Variants in TCERG1L observed in about 807,000 individuals in gnomAD.
The protein encoded by TCERG1L is transcription elongation regulator 1 like.
Under a neutral mutation model 56.3 loss-of-function variants are expected in TCERG1L, and 37 were observed. The ratio of observed to expected loss-of-function variants is 0.66; its 90% CI spans 0.51 to 0.87. The LOEUF is 0.87. Among genes scored for constraint, TCERG1L ranks in the 40% least tolerant of loss-of-function variants. The pLI, the probability that TCERG1L is intolerant of heterozygous loss-of-function variation, is 0.00. For missense variants in TCERG1L, 799 were observed against 774.2 expected (o/e 1.03, Z -0.38); for synonymous variants, 324 against 326.3 (o/e 0.99, Z 0.08).
chr10:131,106,904 G>A (rs1192701799), intron 9 of TCERG1L, among the ~76,000 whole-genome samples: 4 of 151,974 alleles, frequency 2.6e-5, no homozygotes, highest in Admixed American at 1.3e-4. Flanking sequence ...TAATACCCAC[G>A]AGCTCTTTTA....
intron 11 of TCERG1L, among the ~76,000 whole-genome samples, chr10:131,098,064 T>C (rs1469919718): frequency 1.3e-5 from 2 of 152,200 alleles, no homozygotes; most frequent in Non-Finnish European, 2.9e-5. Flanking sequence ...ATGGTTGTGA[T>C]GCATTTGGTT....
chr10:131,287,561 T>C (rs139622475), intron 3 of TCERG1L, among the ~76,000 whole-genome samples: 1 of 152,302 alleles, frequency 6.6e-6, no homozygotes, highest in African/African-American at 2.4e-5. Flanking sequence ...TTTATATAAA[T>C]GGCACCTTGA....
At position 131,203,037 on chromosome 10, in the gene TCERG1L, C is replaced by T. The variant is rs149288148; in HGVS notation, c.857-36152G>A. On this transcript the variant is annotated intron_variant, in intron 4 of 11. Transcript: ENST00000368642. Reference sequence around the variant, plus strand: ...TTGTGGGGACAGAAGTCAAAGGTCACGCCGACACCGATGTGCTTGATTTAT... The same window carrying T: ...TTGTGGGGACAGAAGTCAAAGGTCATGCCGACACCGATGTGCTTGATTTAT... Among the ~76,000 whole-genome samples the T allele has an allele frequency of 2.6e-3, 389 of 152,244 alleles. 3 individuals are homozygous for T. The highest frequency in any genetic ancestry group is 9.1e-3 in the African/African-American group (376 of 41,526).
chr10:131,245,315 G>A (rs554567678), intron 4 of TCERG1L, among the ~76,000 whole-genome samples: 3 of 152,334 alleles, frequency 2.0e-5, no homozygotes, highest in African/African-American at 7.2e-5. Flanking sequence ...GCGTGGCCAG[G>A]CCTACCTCTT....
At chr10:131,309,054 G>A (rs1350174536) in intron 2 of TCERG1L, 99 bp downstream of exon 2, 15 of 1,400,266 alleles carry the variant, frequency 1.1e-5, no homozygotes, top group East Asian at 2.5e-5. Context: ...GCCAATTTAT[G>A]GCAACAAGAA....
At chr10:131,153,362 C>T (rs539047717) in intron 6 of TCERG1L, among the ~76,000 whole-genome samples, 1 of 152,174 alleles carries the variant, frequency 6.6e-6, no homozygotes, top group African/African-American at 2.4e-5. Context: ...AAGCTGGGTT[C>T]CCTTGCTCCT....
chr10:131,127,192 C>T (rs1259481750), intron 8 of TCERG1L, among the ~76,000 whole-genome samples: 1 of 152,176 alleles, frequency 6.6e-6, no homozygotes, highest in African/African-American at 2.4e-5. Flanking sequence ...AGAGTCTAAG[C>T]ACACCGAATT....
intron 3 of TCERG1L, among the ~76,000 whole-genome samples, chr10:131,264,810 C>A (rs1846269649): frequency 6.6e-6 from 1 of 152,216 alleles, no homozygotes; most frequent in African/African-American, 2.4e-5. Flanking sequence ...CCAGGGAATT[C>A]CCGCTCCAAG....
intron 4 of TCERG1L, among the ~76,000 whole-genome samples, chr10:131,254,339 T>G (rs1445913438): frequency 1.4e-5 from 2 of 142,130 alleles, no homozygotes; most frequent in Non-Finnish European, 3.0e-5. Context: ...TTGATTTATT[T>G]ATTTATTTTT....
intron 4 of TCERG1L, among the ~76,000 whole-genome samples, chr10:131,244,352 C>T (rs532811044): frequency 5.9e-5 from 9 of 152,238 alleles, no homozygotes; most frequent in Admixed American, 3.3e-4. Flanking sequence ...TGCTTTCATC[C>T]GGGGGTTCAA....
intron 4 of TCERG1L, among the ~76,000 whole-genome samples, chr10:131,251,582 G>A (rs1036065092): frequency 6.6e-6 from 1 of 152,132 alleles, no homozygotes; most frequent in Non-Finnish European, 1.5e-5. Context: ...CCGGTCGCTG[G>A]AAAGGCCATT....
chr10:131,200,953 C>T (rs1328421532), intron 4 of TCERG1L, among the ~76,000 whole-genome samples: 1 of 152,146 alleles, frequency 6.6e-6, no homozygotes, highest in Non-Finnish European at 1.5e-5. Context: ...ACTTGCCTTT[C>T]CCCCTCCTGC....
chr10:131,263,319 TTAA>T (rs903375128), intron 3 of TCERG1L, among the ~76,000 whole-genome samples: 1 of 152,206 alleles, frequency 6.6e-6, no homozygotes, highest in African/African-American at 2.4e-5. Context: ...ATATATCATC[TTAA>T]TAATAACACA....
At chr10:131,272,953 T>C (rs1333704286) in intron 3 of TCERG1L, among the ~76,000 whole-genome samples, 1 of 152,176 alleles carries the variant, frequency 6.6e-6, no homozygotes, top group East Asian at 1.9e-4. Flanking sequence ...GTAGCTTCCC[T>C]GTCATTTGAG....
intron 4 of TCERG1L, among the ~76,000 whole-genome samples, chr10:131,221,636 A>G (rs1845732903): frequency 6.6e-6 from 1 of 152,182 alleles, no homozygotes; most frequent in South Asian, 2.1e-4. Flanking sequence ...ATCGCCGTGT[A>G]TTGAACACGG....
At chr10:131,117,176 G>T (rs1483912033) in intron 8 of TCERG1L, among the ~76,000 whole-genome samples, 3 of 152,170 alleles carry the variant, frequency 2.0e-5, no homozygotes, top group Non-Finnish European at 4.4e-5. Flanking sequence ...GCCCGGCTGT[G>T]AGAAGCTGCA....
intron 4 of TCERG1L, among the ~76,000 whole-genome samples, chr10:131,201,269 C>T (rs1261601546): frequency 6.6e-6 from 1 of 152,194 alleles, no homozygotes; most frequent in Non-Finnish European, 1.5e-5. Flanking sequence ...CTCCCTTCCC[C>T]CAGCTGGGTC....
At chr10:131,282,137 GAAAAAAAA>G (rs543405432) in intron 3 of TCERG1L, among the ~76,000 whole-genome samples, 18,363 of 92,778 alleles carry the variant, frequency 0.2, 1,295 homozygotes, top group South Asian at 0.25. Context: ...CTCCATCTCA[GAAAAAAAA>G]AAAAAAAAAA....
chr10:131,301,450 T>C (rs1846761139), intron 3 of TCERG1L, among the ~76,000 whole-genome samples: 1 of 152,118 alleles, frequency 6.6e-6, no homozygotes, highest in Non-Finnish European at 1.5e-5. Context: ...CAGAAATTGT[T>C]GATAATTACA....
Sources: gnomAD v4.1 joint callset for allele counts (sites outside exome capture counted in the v4.1 genomes callset) on GRCh38, gnomAD v4.1.1 for gene constraint, MANE v1.5 for transcripts, NCBI Gene and HGNC (gene_info 2026-07-23, HGNC 2026-07-21) for gene names.